The following PID1 variants were observed in gnomAD, a reference collection of about 807,000 sequenced individuals.
PID1 encodes phosphotyrosine interaction domain containing 1.
Under a neutral mutation model 19.1 loss-of-function variants are expected in PID1, and 10 were observed. The observed-to-expected ratio is 0.52, with a 90% confidence interval of 0.32 to 0.89. The LOEUF is 0.89. Ranked by LOEUF, PID1 falls within the 40% of genes least tolerant of loss-of-function variation. The probability of loss-of-function intolerance (pLI) is 0.03; values close to 1 mark genes in which losing one functional copy is unlikely to be tolerated. For missense variants in PID1, 248 were observed against 285.3 expected, an observed-to-expected ratio of 0.87 and a Z score of 0.94; for synonymous variants, 130 against 116.0, an observed-to-expected ratio of 1.12 and a Z score of -0.78.
intron 2 of PID1, among the ~76,000 whole-genome samples, chr2:229,033,663 A>G (rs1041507019): frequency 6.6e-6 from 1 of 152,178 alleles, no homozygotes; most frequent in African/African-American, 2.4e-5. Flanking sequence ...CATGTATCCC[A>G]GAACTGAAAT....
At chr2:229,030,095 G>A (rs1693515208) in intron 2 of PID1, among the ~76,000 whole-genome samples, 1 of 152,146 alleles carries the variant, frequency 6.6e-6, no homozygotes, top group South Asian at 2.1e-4. Flanking sequence ...AGCAAATTCT[G>A]ACAGATACTA....
chr2:229,113,416 A>C (rs1206870961), intron 2 of PID1, among the ~76,000 whole-genome samples: 1 of 137,934 alleles, frequency 7.2e-6, no homozygotes, highest in Non-Finnish European at 1.6e-5. Context: ...ATATTTATAT[A>C]TATATACACA....
chr2:229,175,985 A>G (rs1169982279), intron 1 of PID1, among the ~76,000 whole-genome samples: 1 of 152,226 alleles, frequency 6.6e-6, no homozygotes, highest in Non-Finnish European at 1.5e-5. Context: ...AGTACAACAC[A>G]GGCTCCCTGC....
At chr2:229,083,959 C>T (rs549736789) in intron 2 of PID1, among the ~76,000 whole-genome samples, 1 of 152,300 alleles carries the variant, frequency 6.6e-6, no homozygotes, top group African/African-American at 2.4e-5. Flanking sequence ...CTTTGCGTTA[C>T]TTTAACCAGG....
intron 2 of PID1, among the ~76,000 whole-genome samples, chr2:229,145,151 A>G (rs79532665): frequency 0.18 from 18,972 of 103,424 alleles, 1,529 homozygotes; most frequent in East Asian, 0.36. Flanking sequence ...AAATATATGT[A>G]TGTGTATATA....
chr2:229,041,878 A>T (rs1284354574), intron 2 of PID1, among the ~76,000 whole-genome samples: 2 of 152,190 alleles, frequency 1.3e-5, no homozygotes, highest in Non-Finnish European at 2.9e-5. Context: ...AAGAATAAAG[A>T]TCTGCTCCAG....
chr2:229,099,766 T>G (rs1302978072), intron 2 of PID1, among the ~76,000 whole-genome samples: 2 of 152,214 alleles, frequency 1.3e-5, no homozygotes, highest in African/African-American at 4.8e-5. Flanking sequence ...TAGAAAGTGA[T>G]TGGAGGAAAA....
intron 1 of PID1, among the ~76,000 whole-genome samples, chr2:229,200,407 T>C (rs1487299332): frequency 6.6e-6 from 1 of 151,958 alleles, no homozygotes; most frequent in African/African-American, 2.4e-5. Context: ...TGAAGTAACA[T>C]TAATACGGGC....
chr2:229,078,037 G>A (rs959047600), intron 2 of PID1, among the ~76,000 whole-genome samples: 1 of 152,166 alleles, frequency 6.6e-6, no homozygotes, highest in African/African-American at 2.4e-5. Context: ...GCATGTGCAT[G>A]GAATGTTATT....
intron 2 of PID1, among the ~76,000 whole-genome samples, chr2:229,127,892 G>A (rs1040943359): frequency 3.3e-5 from 5 of 152,130 alleles, no homozygotes; most frequent in African/African-American, 9.7e-5. Flanking sequence ...TCTCTCTCAG[G>A]CAGTGCTGGG....
At chr2:229,068,910 T>C (rs1694388435) in intron 2 of PID1, among the ~76,000 whole-genome samples, 2 of 152,164 alleles carry the variant, frequency 1.3e-5, no homozygotes, top group Admixed American at 6.5e-5. Flanking sequence ...GTGTAAACAC[T>C]TTCCACGATG....
At position 229,271,140 on chromosome 2, in the gene PID1, T is replaced by C. The variant is rs1430696567; in HGVS notation, c.-97A>G. The C allele has an allele frequency of 1.5e-6, 2 of 1,374,380 alleles. No homozygotes were observed. Among genetic ancestry groups the C allele is most frequent in the African/African-American group, 2.9e-5 (2 of 67,994 alleles). The allele number at this position is 1,374,380 out of a possible 1,614,324, so 85.1% of individuals were successfully genotyped here. A position where few individuals can be genotyped will look rare whatever the true frequency, so the allele number is the denominator to read the frequency against. ...GGTCCCGCTTTACATCTGGGGTCGG[T>C]GTCCGCGGGATGTGCGTCCTGGCGC... On this transcript the variant is annotated 5_prime_UTR_variant, in exon 1 of 3. Coordinates refer to ENST00000392055, the MANE Select transcript of PID1 (RefSeq NM_001100818.2).
chr2:229,042,802 T>C (rs1275626551), intron 2 of PID1, among the ~76,000 whole-genome samples: 1 of 152,182 alleles, frequency 6.6e-6, no homozygotes, highest in Non-Finnish European at 1.5e-5. Flanking sequence ...GAACCACAGA[T>C]TTTCTGCTAT....
chr2:229,249,400 C>A (rs781032670), intron 1 of PID1, among the ~76,000 whole-genome samples: 9 of 152,122 alleles, frequency 5.9e-5, no homozygotes, highest in Non-Finnish European at 1.2e-4. Flanking sequence ...ACCTTTCCAT[C>A]CACAGAAATT....
chr2:229,210,936 T>C (rs1055955523), intron 1 of PID1, among the ~76,000 whole-genome samples: 7 of 152,332 alleles, frequency 4.6e-5, no homozygotes, highest in African/African-American at 1.7e-4. Flanking sequence ...AAGTATACTT[T>C]AATTAAAATT....
Position 229,081,674 on chromosome 2 carries a change from T to C in PID1, c.178-55566A>G, listed in dbSNP as rs137898245. On this transcript the variant is annotated intron_variant, in intron 2 of 2. Coordinates refer to ENST00000392055, the MANE Select transcript of PID1 (RefSeq NM_001100818.2). ...TTCTGAGTTACAAAACATGACTTCC[T>C]GCTTTATAAAGCTGCTTTAGTTCCT... Among the ~76,000 whole-genome samples the C allele has an allele frequency of 5.3e-3, 814 of 152,350 alleles. 9 individuals are homozygous for C. The highest frequency in any genetic ancestry group is 8.7e-3 in the Non-Finnish European group (594 of 68,024).
intron 1 of PID1, chr2:229,262,603 G>A: frequency 6.7e-7 from 1 of 1,502,112 alleles, no homozygotes; most frequent in Non-Finnish European, 8.9e-7. Flanking sequence ...TGGTTTCACT[G>A]GTGTAGTAGC....
chr2:229,212,453 C>A (rs1418964226), intron 1 of PID1, among the ~76,000 whole-genome samples: 2 of 152,148 alleles, frequency 1.3e-5, no homozygotes, highest in African/African-American at 4.8e-5. Context: ...GAGAATGACA[C>A]TAAGAAATGA....
intron 2 of PID1, among the ~76,000 whole-genome samples, chr2:229,142,365 A>G (rs1690033534): frequency 6.6e-6 from 1 of 152,174 alleles, no homozygotes; most frequent in South Asian, 2.1e-4. Context: ...AAAAGATGGC[A>G]AATTGTCCTT....
Sources: allele counts gnomAD v4.1 joint callset (sites outside exome capture counted in the v4.1 genomes callset), GRCh38; gene constraint gnomAD v4.1.1; transcripts MANE v1.5; gene names NCBI Gene and HGNC (gene_info 2026-07-23, HGNC 2026-07-21).